WRAP73: variants seen among roughly 807,000 people sequenced by gnomAD.
WRAP73 encodes WD repeat-containing protein WRAP73.
A neutral mutation model predicts 59.6 loss-of-function variants in WRAP73; 55 were observed. The ratio of observed to expected loss-of-function variants is 0.92; its 90% confidence interval spans 0.74 to 1.15. The LOEUF is 1.15. WRAP73 is among the 50% of genes most tolerant of loss of function. WRAP73 has a pLI of 0.00. For synonymous variants in WRAP73, 265 were observed against 258.2 expected (o/e 1.03, Z -0.25); for missense variants, 592 against 608.1 (o/e 0.97, Z 0.28).
chr1:3,636,830 C>G (rs1451886890), intron 5 of WRAP73, 165 bp downstream of exon 5: 2 of 748,690 alleles, frequency 2.7e-6, no homozygotes, highest in Admixed American at 2.0e-5. Context: ...GAACACACAA[C>G]CGGGTGCCAC....
In WRAP73 at chr1:3,650,021, C is replaced by G. The variant is rs1468380012; in HGVS notation, c.-22G>C. 2 of 1,580,336 alleles carry G rather than the reference C, an allele frequency of 1.3e-6. No individual in the cohort carries two copies. The highest frequency in any genetic ancestry group is 3.6e-5 in the Admixed American group (2 of 55,770). On this transcript the variant is annotated 5_prime_UTR_variant, in exon 1 of 12. Coordinates refer to ENST00000270708, the MANE Select transcript of WRAP73 (RefSeq NM_017818.4). ...TCATGGCCGCCGCCTGCCGCGGGCG[C>G]CACCCTGCGCCCGAAAACCCGCGGG...
Position 3,639,016 on chromosome 1 carries a change from T to G in WRAP73, c.340-194A>C, listed in dbSNP as rs1644614072. The G allele has an allele frequency of 3.5e-6, 2 of 572,108 alleles. No individual in the cohort carries two copies. The highest frequency in any genetic ancestry group is 1.9e-5 in the African/African-American group (1 of 51,734). The allele number at this position is 572,108 out of a possible 1,614,324, so 35.4% of individuals were successfully genotyped here. On this transcript the variant is annotated intron_variant, in intron 3 of 11. Coordinates refer to ENST00000270708, the MANE Select transcript of WRAP73 (RefSeq NM_017818.4). The surrounding 1 kb of genome is among the most constrained non-coding windows in gnomAD (Gnocchi z 4.3). ...TTTACTGTGGTTACGGTAAATTTGG[T>G]GTTCTTGGTTTTCTGTTGTTGTTGT... is the stretch of plus-strand genomic sequence containing the variant.
chr1:3,634,728 CAG>C (rs1644573142), intron 8 of WRAP73: 36 of 493,600 alleles, frequency 7.3e-5, no homozygotes, highest in South Asian at 7.1e-4. Flanking sequence ...TGCATCCAGA[CAG>C]ACCACAAAGG....
chr1:3,640,374 G>A (rs956568272), intron 3 of WRAP73, among the ~76,000 whole-genome samples: 2 of 151,870 alleles, frequency 1.3e-5, no homozygotes, highest in African/African-American at 4.8e-5. Context: ...TGGGTGCAGC[G>A]CCTGAGGCTC....
chr1:3,630,822 C>G lies in WRAP73; in HGVS notation c.*153G>C, dbSNP rs1345064074. 1.1e-6 allele frequency: 1 copy of G among 926,020 alleles called. No homozygotes were observed. Among genetic ancestry groups the G allele is most frequent in the African/African-American group, 1.7e-5 (1 of 59,792 alleles). The allele number at this position is 926,020 out of a possible 1,614,324, so 57.4% of individuals were successfully genotyped here. On this transcript the variant is annotated 3_prime_UTR_variant, in exon 12 of 12. Coordinates refer to ENST00000270708, the MANE Select transcript of WRAP73 (RefSeq NM_017818.4). ...AAATAATAAAACTACAGTTTTATAC[C>G]ATACATATTTACAAAAATGCTTTGC... is the stretch of plus-strand genomic sequence containing the variant.
chr1:3,645,869 C>T (rs909715522), intron 3 of WRAP73, among the ~76,000 whole-genome samples: 1 of 152,144 alleles, frequency 6.6e-6, no homozygotes, highest in Non-Finnish European at 1.5e-5. Flanking sequence ...GGCTGCCGAC[C>T]GCCCCGAGCC....
Position 3,637,086 on chromosome 1 carries a change from G to A in WRAP73, c.425C>T (p.Thr142Ile), listed in dbSNP as rs1254021611. 1 of 1,609,800 alleles carries A rather than the reference G, an allele frequency of 6.2e-7. No individual in the cohort carries two copies. The highest frequency in any genetic ancestry group is 1.7e-5 in the Admixed American group (1 of 59,712). ...PKACLQGITFTRDGRYMALAE... is the reference protein window; with the variant it reads ...PKACLQGITFIRDGRYMALAE... ...CAGCGCCATGTAGCGGCCGTCCCTG[G>A]TGAAGGTGATTCCTGTGGGAAGAGG... The change falls in exon 5 of 12, where the codon ACC (threonine) becomes ATC (isoleucine). Residue 142 changes from threonine to isoleucine, a missense_variant. Physicochemically the swap from Thr to Ile is moderately conservative, Grantham distance 89 (BLOSUM62 -1). Coordinates refer to ENST00000270708, the MANE Select transcript of WRAP73 (RefSeq NM_017818.4).
At chr1:3,636,890 G>T in intron 5 of WRAP73, 105 bp downstream of exon 5, 1 of 1,170,012 alleles carries the variant, frequency 8.5e-7, no homozygotes, top group Non-Finnish European at 1.2e-6. Flanking sequence ...ACATCACCTT[G>T]CTCCATATCC....
chr1:3,642,540 A>C (rs2101967107), intron 3 of WRAP73, among the ~76,000 whole-genome samples: 1 of 152,246 alleles, frequency 6.6e-6, no homozygotes, highest in Admixed American at 6.5e-5. Flanking sequence ...AGAGTTTGAG[A>C]CCAGCCTGAC....
chr1:3,636,936 T>C, intron 5 of WRAP73, 59 bp downstream of exon 5: 1 of 1,511,414 alleles, frequency 6.6e-7, no homozygotes, highest in Non-Finnish European at 9.2e-7. Flanking sequence ...AGGATCTACT[T>C]CACTCGATCC....
intron 5 of WRAP73, chr1:3,636,487 CCAGCT>C (rs1644590484): frequency 3.1e-6 from 1 of 324,306 alleles, no homozygotes; most frequent in Non-Finnish European, 6.0e-6. Flanking sequence ...TCCTTTAGAC[CCAGCT>C]CAGACAAGTC....
In WRAP73 at chr1:3,635,973, C is replaced by G. The variant is rs1348782401; in HGVS notation, c.574G>C (p.Val192Leu). 1 of 1,614,096 alleles carries G rather than the reference C, an allele frequency of 6.2e-7. No homozygotes were observed. The highest frequency in any genetic ancestry group is 1.7e-5 in the Admixed American group (1 of 60,026). The change falls in exon 6 of 12, where the codon GTG (valine) becomes CTG (leucine). Residue 192 changes from valine to leucine, a missense_variant. Transcript: ENST00000270708. ...AAGCAGGTGTCCCACACTGCCAGCA[C>G]ACAGCCGTTTGGGGCCCACTCAATC... ...TGIEWAPNGC[V>L]LAVWDTCLEY...
At chr1:3,647,353 C>T in intron 2 of WRAP73, 55 bp downstream of exon 2, 5 of 1,529,680 alleles carry the variant, frequency 3.3e-6, no homozygotes, top group Non-Finnish European at 3.5e-6. Context: ...AAAACCCCTC[C>T]TTCCCAGGGG....
chr1:3,642,020 T>C (rs1372349577), intron 3 of WRAP73, among the ~76,000 whole-genome samples: 1 of 152,236 alleles, frequency 6.6e-6, no homozygotes, highest in Non-Finnish European at 1.5e-5. Context: ...TGGGAACCGC[T>C]TCACTAGGAA....
intron 2 of WRAP73, 178 bp downstream of exon 2, chr1:3,647,230 G>A (rs866345447): frequency 3.3e-5 from 22 of 670,990 alleles, no homozygotes; most frequent in African/African-American, 5.6e-5. Context: ...TTAAGACTAC[G>A]TTGGAGTTTC....
chr1:3,645,261 G>A (rs932531396), intron 3 of WRAP73, among the ~76,000 whole-genome samples: 3 of 152,174 alleles, frequency 2.0e-5, no homozygotes, highest in African/African-American at 4.8e-5. Flanking sequence ...GCAGCCACAC[G>A]CTGGGAGAAA....
At chr1:3,644,976 A>C in intron 3 of WRAP73, among the ~76,000 whole-genome samples, 1 of 152,196 alleles carries the variant, frequency 6.6e-6, no homozygotes, top group East Asian at 1.9e-4. Context: ...TGAAAAGCTC[A>C]AATTATCCTC....
At chr1:3,633,127 G>T (rs967234219) in intron 9 of WRAP73, 1 of 415,688 alleles carries the variant, frequency 2.4e-6, no homozygotes, top group Non-Finnish European at 4.3e-6. Flanking sequence ...CATTCTCGGA[G>T]CTCCGGAAAA....
chr1:3,641,084 G>A (rs1404187662), intron 3 of WRAP73, among the ~76,000 whole-genome samples: 5 of 152,188 alleles, frequency 3.3e-5, no homozygotes, highest in South Asian at 2.1e-4. Flanking sequence ...CTTCATCAGC[G>A]CTGTTACCTT....
Sources: allele counts gnomAD v4.1 joint callset (sites outside exome capture counted in the v4.1 genomes callset), GRCh38; gene constraint gnomAD v4.1.1; non-coding constraint Gnocchi (gnomAD v3.1); transcripts MANE v1.5; gene names NCBI Gene and HGNC (gene_info 2026-07-23, HGNC 2026-07-21).